The following CD5 variants were observed in gnomAD, a reference collection of about 807,000 sequenced individuals.
CD5 encodes the protein CD5 molecule.
CD5 carries 36 observed loss-of-function variants against 60.3 expected under a neutral mutation model. That is an observed-to-expected ratio of 0.60 (90% CI 0.46 to 0.79). The LOEUF (loss-of-function observed/expected upper bound fraction) is 0.79, where lower values mean the gene tolerates loss of function less well. Among genes scored for constraint, CD5 ranks in the 30% least tolerant of loss-of-function variants. CD5 has a pLI of 0.00. For synonymous variants in CD5, 230 were observed against 257.6 expected, an observed-to-expected ratio of 0.89 and a Z score of 1.03; for missense variants, 540 against 630.6, an observed-to-expected ratio of 0.86 and a Z score of 1.54.
intron 5 of CD5, among the ~76,000 whole-genome samples, chr11:61,121,315 A>T (rs1861055987): frequency 6.6e-6 from 1 of 152,114 alleles, no homozygotes; most frequent in Admixed American, 6.5e-5. Context: ...CATGGAGCCG[A>T]CTCCCTGCTG....
At chr11:61,116,207 T>A (rs1860941293) in intron 2 of CD5, among the ~76,000 whole-genome samples, 1 of 152,044 alleles carries the variant, frequency 6.6e-6, no homozygotes, top group African/African-American at 2.4e-5. Context: ...GACACATTCA[T>A]CCAGCTCAAA....
chr11:61,114,720 G>A (rs1046155225), intron 1 of CD5, among the ~76,000 whole-genome samples: 1 of 152,136 alleles, frequency 6.6e-6, no homozygotes. Context: ...GGGAGTAATG[G>A]AACTGGTGTA....
At chr11:61,122,122 C>A (rs947835702) in intron 6 of CD5, among the ~76,000 whole-genome samples, 2 of 152,160 alleles carry the variant, frequency 1.3e-5, no homozygotes, top group African/African-American at 4.8e-5. Context: ...AAGCAACAGG[C>A]AGATCACTGT....
chr11:61,107,578 T>TA (rs1265385281), intron 1 of CD5, among the ~76,000 whole-genome samples: 1 of 152,208 alleles, frequency 6.6e-6, no homozygotes, highest in Non-Finnish European at 1.5e-5. Flanking sequence ...TTTGCACACT[T>TA]AGAGGGATGT....
the CD5 span, among the ~76,000 whole-genome samples, chr11:61,096,755 G>C: frequency 6.6e-6 from 1 of 152,220 alleles, no homozygotes; most frequent in Non-Finnish European, 1.5e-5. Flanking sequence ...CAGGCCAAGA[G>C]ATAAAACCAG....
At chr11:61,110,109 G>A (rs1860831290) in intron 1 of CD5, among the ~76,000 whole-genome samples, 1 of 152,164 alleles carries the variant, frequency 6.6e-6, no homozygotes, top group South Asian at 2.1e-4. Context: ...GATGGAGGGT[G>A]CTGGTCTGAC....
At position 61,119,225 on chromosome 11, in the gene CD5, C is replaced by T; in HGVS notation, c.464-9C>T. 6.3e-7 allele frequency: 1 copy of T among 1,578,644 alleles called. No individual in the cohort carries two copies. Among genetic ancestry groups the T allele is most frequent in the Non-Finnish European group, 8.6e-7 (1 of 1,162,664 alleles). ...GGGTGGCTCCCCCTCCTGCTCTCTCCTCTCCTAGCTCCTCCCAGGCTGCAG... is the reference window on the plus strand; with the variant it reads ...GGGTGGCTCCCCCTCCTGCTCTCTCTTCTCCTAGCTCCTCCCAGGCTGCAG... On this transcript the variant is annotated splice_polypyrimidine_tract_variant and intron_variant, in intron 4 of 10. Coordinates refer to ENST00000347785, the MANE Select transcript of CD5 (RefSeq NM_014207.4).
At chr11:61,110,428 A>G (rs907204791) in intron 1 of CD5, among the ~76,000 whole-genome samples, 5 of 152,248 alleles carry the variant, frequency 3.3e-5, no homozygotes, top group African/African-American at 1.2e-4. Context: ...TTACAGATTA[A>G]GAAACTGAGC....
At chr11:61,099,069 A>C (rs1289071521), upstream of CD5, among the ~76,000 whole-genome samples, 1 of 151,942 alleles carries the variant, frequency 6.6e-6, no homozygotes, top group Non-Finnish European at 1.5e-5. Context: ...CCAGGGAAAC[A>C]CAGGGACTTT....
intron 9 of CD5, 77 bp from the exon 10 acceptor site, chr11:61,125,674 G>C: frequency 1.0e-6 from 1 of 959,430 alleles, no homozygotes; most frequent in Non-Finnish European, 1.6e-6. Context: ...CCAACCCACT[G>C]TGGGCAGCGG....
intron 1 of CD5, 117 bp from the exon 2 acceptor site, chr11:61,114,939 T>C (rs1330292617): frequency 1.1e-6 from 1 of 880,844 alleles, no homozygotes; most frequent in Non-Finnish European, 1.7e-6. Flanking sequence ...CTAAAACCCA[T>C]GATAGTGGAT....
At chr11:61,122,319 G>T (rs931948121) in intron 6 of CD5, among the ~76,000 whole-genome samples, 1 of 144,840 alleles carries the variant, frequency 6.9e-6, no homozygotes, top group Admixed American at 6.8e-5. Flanking sequence ...TGGGTGGATG[G>T]ATGGATGGAT....
Position 61,119,447 on chromosome 11 carries a change from A to G in CD5, c.677A>G (p.Glu226Gly). 5 of 1,614,168 alleles carry G rather than the reference A, an allele frequency of 3.1e-6. No individual in the cohort carries two copies. Among genetic ancestry groups the G allele is most frequent in the Non-Finnish European group, 2.5e-6 (3 of 1,180,028 alleles). ...GCAGGCAGAGCCCAAGACCCAGGGG[A>G]GCCACGGGAACACCAGCCCTTGCCA... ...TEAGRAQDPG[E>G]PREHQPLPIQ... Residue 226 changes from glutamate to glycine, a missense_variant, in exon 5 of 11, where the codon GAG (glutamate) becomes GGG (glycine). Coordinates refer to ENST00000347785, the MANE Select transcript of CD5 (RefSeq NM_014207.4).
At chr11:61,122,491 A>C (rs1344481996) in intron 6 of CD5, among the ~76,000 whole-genome samples, 1 of 149,964 alleles carries the variant, frequency 6.7e-6, no homozygotes, top group Admixed American at 6.6e-5. Flanking sequence ...GGGTGAGTGG[A>C]TGGATGGATG....
chr11:61,106,797 A>G (rs777756067), intron 1 of CD5, among the ~76,000 whole-genome samples: 2 of 152,050 alleles, frequency 1.3e-5, no homozygotes, highest in Non-Finnish European at 2.9e-5. Context: ...CTGCTTGGCC[A>G]CCCACAAGTG....
upstream of CD5, among the ~76,000 whole-genome samples, chr11:61,100,181 T>A (rs1860645607): frequency 5.4e-5 from 5 of 91,974 alleles, no homozygotes; most frequent in African/African-American, 1.3e-4. Flanking sequence ...CACACACACA[T>A]CAACATGGAG....
At chr11:61,119,658 T>C (rs1861026339) in intron 5 of CD5, 83 bp downstream of exon 5, 3 of 970,030 alleles carry the variant, frequency 3.1e-6, no homozygotes, top group African/African-American at 1.6e-5. Context: ...TCAGGGAACA[T>C]GTGTGCAGCA....
chr11:61,111,178 G>A (rs1860850101), intron 1 of CD5, among the ~76,000 whole-genome samples: 1 of 152,148 alleles, frequency 6.6e-6, no homozygotes. Flanking sequence ...AGGCCTTCAG[G>A]GTCTGGCTGC....
intron 2 of CD5, among the ~76,000 whole-genome samples, chr11:61,116,065 T>C (rs554881630): frequency 6.6e-6 from 1 of 152,298 alleles, no homozygotes; most frequent in Non-Finnish European, 1.5e-5. Flanking sequence ...GCCCTGGCCC[T>C]GAGCTTTGGC....
Sources: gnomAD v4.1 joint callset for allele counts (sites outside exome capture counted in the v4.1 genomes callset) on GRCh38, gnomAD v4.1.1 for gene constraint, MANE v1.5 for transcripts, NCBI Gene and HGNC (gene_info 2026-07-23, HGNC 2026-07-21) for gene names.